C2orf42: variants seen among roughly 807,000 people sequenced by gnomAD.
C2orf42 encodes the protein chromosome 2 open reading frame 42.
In C2orf42, 44 loss-of-function variants were observed where a neutral mutation model predicts 58.9. The observed-to-expected ratio is 0.75, with a 90% CI of 0.59 to 0.96. The LOEUF is 0.96. C2orf42 is among the 40% of genes least tolerant of loss of function. The pLI is 0.00. For missense variants in C2orf42, 630 were observed against 699.2 expected (o/e 0.90, Z 1.12); for synonymous variants, 239 against 265.4 (o/e 0.90, Z 0.97).
chr2:70,186,063 A>G (rs2103667107), intron 1 of C2orf42, among the ~76,000 whole-genome samples: 1 of 151,636 alleles, frequency 6.6e-6, no homozygotes, highest in Middle Eastern at 3.4e-3. Flanking sequence ...TGCCCCAGTT[A>G]AAAGCCACTG....
At position 70,181,638 on chromosome 2, in the gene C2orf42, A is replaced by T; in HGVS notation, c.348T>A (p.Tyr116Ter). Reference sequence around the variant, plus strand: ...TGGCAGCTTTCAGGCATGAGGGGACATAACACCGTCCAGAGCTCAGCTGAG... The same window carrying T: ...TGGCAGCTTTCAGGCATGAGGGGACTTAACACCGTCCAGAGCTCAGCTGAG... ...IITQLSSGRC[Y>*]VPSCLKAATQ... Residue 116 changes from tyrosine (Y) to a stop codon, truncating the protein, a stop_gained, in exon 3 of 10, where the codon TAT (tyrosine) becomes TAA (stop). Coordinates refer to ENST00000264434, the MANE Select transcript of C2orf42 (RefSeq NM_017880.3). LOFTEE classifies it high-confidence loss of function. 3 of 1,614,144 alleles carry T rather than the reference A, an allele frequency of 1.9e-6. No individual in the cohort carries two copies. The highest frequency in any genetic ancestry group is 2.5e-6 in the Non-Finnish European group (3 of 1,179,992).
chr2:70,165,898 A>C (rs1673367026), intron 6 of C2orf42, among the ~76,000 whole-genome samples: 1 of 150,118 alleles, frequency 6.7e-6, no homozygotes, highest in Non-Finnish European at 1.5e-5. Context: ...ATAAAAAAAA[A>C]TTTTTTTTTT....
At chr2:70,158,481 GC>G (rs1672843239) in intron 9 of C2orf42, among the ~76,000 whole-genome samples, 1 of 151,576 alleles carries the variant, frequency 6.6e-6, no homozygotes, top group Admixed American at 6.6e-5. Context: ...ACAGAGTCTG[GC>G]CCTCTCGCCC....
chr2:70,173,870 G>A (rs1308505276), intron 5 of C2orf42, among the ~76,000 whole-genome samples: 5 of 151,928 alleles, frequency 3.3e-5, no homozygotes, highest in Non-Finnish European at 4.4e-5. Context: ...GATTATAGGC[G>A]TGAGCCACCA....
chr2:70,160,200 T>C (rs1672964496), intron 9 of C2orf42, among the ~76,000 whole-genome samples: 1 of 150,294 alleles, frequency 6.7e-6, no homozygotes, highest in Non-Finnish European at 1.5e-5. Flanking sequence ...AGTGCAGTGG[T>C]GAGATCTCGG....
chr2:70,177,238 C>G (rs1249352148), intron 4 of C2orf42, among the ~76,000 whole-genome samples: 1 of 151,330 alleles, frequency 6.6e-6, no homozygotes, highest in African/African-American at 2.4e-5. Context: ...CGCCATCACA[C>G]TGCAGCCTGG....
intron 9 of C2orf42, among the ~76,000 whole-genome samples, chr2:70,159,257 A>C (rs1452948550): frequency 6.6e-6 from 1 of 152,152 alleles, no homozygotes; most frequent in African/African-American, 2.4e-5. Context: ...AAATTTTAAA[A>C]GAGAAATTAT....
chr2:70,156,721 G>T (rs1442283656), intron 9 of C2orf42, among the ~76,000 whole-genome samples: 1 of 152,054 alleles, frequency 6.6e-6, no homozygotes, highest in South Asian at 2.1e-4. Context: ...AATTAGCTGG[G>T]AATGGTGGCA....
intron 9 of C2orf42, among the ~76,000 whole-genome samples, chr2:70,155,500 T>C (rs1399286406): frequency 6.6e-6 from 1 of 151,940 alleles, no homozygotes; most frequent in Admixed American, 6.6e-5. Context: ...AGAATACTTT[T>C]GAAAAATACA....
At chr2:70,175,911 A>T in intron 4 of C2orf42, 134 bp from the exon 5 acceptor site, 1 of 645,830 alleles carries the variant, frequency 1.5e-6, no homozygotes, top group East Asian at 2.6e-5. Context: ...TCTAGGAGTT[A>T]GCATTAGTCT....
chr2:70,159,310 C>T (rs1012914750), intron 9 of C2orf42, among the ~76,000 whole-genome samples: 7 of 151,792 alleles, frequency 4.6e-5, no homozygotes, highest in Non-Finnish European at 1.0e-4. Flanking sequence ...ATTTAGGGCC[C>T]GGCCTGGTGG....
intron 9 of C2orf42, among the ~76,000 whole-genome samples, chr2:70,153,273 C>T (rs966080790): frequency 1.3e-5 from 2 of 151,786 alleles, no homozygotes; most frequent in Non-Finnish European, 1.5e-5. Flanking sequence ...TCTGCATCAG[C>T]GCTCCACATA....
intron 9 of C2orf42, 152 bp downstream of exon 9, chr2:70,160,473 A>G: frequency 3.6e-6 from 2 of 551,758 alleles, no homozygotes; most frequent in South Asian, 6.2e-5. Flanking sequence ...CACTGGTTCA[A>G]TTGAAACAAA....
At chr2:70,178,443 C>A (rs1046441856) in intron 4 of C2orf42, among the ~76,000 whole-genome samples, 1 of 151,132 alleles carries the variant, frequency 6.6e-6, no homozygotes, top group Non-Finnish European at 1.5e-5. Flanking sequence ...CCCGTCTCTA[C>A]TAAAAATACA....
intron 9 of C2orf42, among the ~76,000 whole-genome samples, chr2:70,157,975 C>G (rs1024069714): frequency 2.0e-5 from 3 of 151,948 alleles, no homozygotes; most frequent in Non-Finnish European, 4.4e-5. Context: ...CCGAGGTGGG[C>G]GGATCACCAG....
intron 6 of C2orf42, 106 bp downstream of exon 6, chr2:70,169,451 T>C (rs901765941): frequency 1.8e-6 from 1 of 546,272 alleles, no homozygotes; most frequent in Non-Finnish European, 3.4e-6. Context: ...CCCAGTGCTC[T>C]CTGGACTGAA....
intron 5 of C2orf42, among the ~76,000 whole-genome samples, chr2:70,175,359 C>G (rs919116386): frequency 2.0e-5 from 3 of 152,208 alleles, no homozygotes; most frequent in Non-Finnish European, 2.9e-5. Context: ...TTTCACCCTC[C>G]AATAAGCCCC....
At chr2:70,187,145 G>A (rs1227612930) in intron 1 of C2orf42, among the ~76,000 whole-genome samples, 1 of 152,096 alleles carries the variant, frequency 6.6e-6, no homozygotes, top group Non-Finnish European at 1.5e-5. Flanking sequence ...AAACCTTTCT[G>A]TCATTAAGGG....
chr2:70,175,637 C>T, intron 5 of C2orf42, 36 bp downstream of exon 5: 2 of 1,221,342 alleles, frequency 1.6e-6, no homozygotes, highest in Non-Finnish European at 2.4e-6. Flanking sequence ...GATGACTTTC[C>T]ACCACTGTAG....
Sources: gnomAD v4.1 joint callset for allele counts (sites outside exome capture counted in the v4.1 genomes callset) on GRCh38, gnomAD v4.1.1 for gene constraint, MANE v1.5 for transcripts, NCBI Gene and HGNC (gene_info 2026-07-23, HGNC 2026-07-21) for gene names.